AOPEP: variants seen among roughly 807,000 people sequenced by gnomAD.
AOPEP encodes the protein aminopeptidase O.
A neutral mutation model predicts 98.1 loss-of-function variants in AOPEP; 77 were observed. The ratio of observed to expected loss-of-function variants is 0.78; its 90% confidence interval spans 0.65 to 0.95. AOPEP has a LOEUF of 0.95. Among genes scored for constraint, AOPEP ranks in the 40% least tolerant of loss-of-function variants. The pLI is 0.00. For synonymous variants in AOPEP, 346 were observed against 365.3 expected (o/e 0.95, Z 0.60); for missense variants, 1,024 against 1,024.7 (o/e 1.00, Z 0.01).
chr9:94,819,902 C>T (rs1852624456), intron 5 of AOPEP, among the ~76,000 whole-genome samples: 1 of 149,264 alleles, frequency 6.7e-6, no homozygotes, highest in South Asian at 2.1e-4. Flanking sequence ...GCAAAAGGAC[C>T]AACCTTAAAA....
intron 5 of AOPEP, among the ~76,000 whole-genome samples, chr9:94,915,968 T>G (rs945681995): frequency 1.3e-5 from 2 of 152,334 alleles, no homozygotes; most frequent in Middle Eastern, 3.4e-3. Context: ...CTGTCCTTGC[T>G]GAGAATGGCT....
chr9:94,752,113 C>G (rs1835938945), intron 1 of AOPEP, among the ~76,000 whole-genome samples: 1 of 152,072 alleles, frequency 6.6e-6, no homozygotes, highest in Non-Finnish European at 1.5e-5. Context: ...GTCTTGAACT[C>G]CTGGGCTCAA....
chr9:94,999,174 T>C (rs1176059659), intron 11 of AOPEP, among the ~76,000 whole-genome samples: 1 of 151,944 alleles, frequency 6.6e-6, no homozygotes, highest in Non-Finnish European at 1.5e-5. Flanking sequence ...CCCAGAATAC[T>C]TTATTGAGTT....
intron 11 of AOPEP, among the ~76,000 whole-genome samples, chr9:94,991,707 A>G (rs10993443): frequency 0.067 from 10,133 of 152,270 alleles, 821 homozygotes; most frequent in African/African-American, 0.19. Flanking sequence ...GATGCAGGAT[A>G]TGGACCTCAC....
chr9:94,984,850 G>A (rs1564483554), intron 11 of AOPEP, among the ~76,000 whole-genome samples: 1 of 152,236 alleles, frequency 6.6e-6, no homozygotes, highest in Non-Finnish European at 1.5e-5. Context: ...CAAATGCGGG[G>A]TAAAGATAGA....
intron 5 of AOPEP, among the ~76,000 whole-genome samples, chr9:94,840,044 A>G (rs866555040): frequency 4.5e-4 from 68 of 152,250 alleles, no homozygotes; most frequent in African/African-American, 1.5e-3. Context: ...CTGGGATTAC[A>G]GGTGTGAGCC....
chr9:94,793,263 G>A (rs977685768), intron 4 of AOPEP, among the ~76,000 whole-genome samples: 2 of 152,034 alleles, frequency 1.3e-5, no homozygotes, highest in African/African-American at 2.4e-5. Context: ...CAGGAGAATG[G>A]CTTGAACCCG....
chr9:95,135,815 T>A, the AOPEP span, among the ~76,000 whole-genome samples: 3 of 152,200 alleles, frequency 2.0e-5, no homozygotes, highest in African/African-American at 7.2e-5. Flanking sequence ...GGAAAAGGCC[T>A]CGTGATGCCC....
chr9:94,772,501 G>A (rs1001702408), intron 2 of AOPEP, among the ~76,000 whole-genome samples: 5 of 152,128 alleles, frequency 3.3e-5, no homozygotes, highest in East Asian at 1.9e-4. Context: ...TCCCACAAGG[G>A]TTCTATTTGA....
rs62579008 is a variant in AOPEP, at chr9:94,846,130, A to G, written c.1364+45128A>G. On this transcript the variant is annotated intron_variant, in intron 5 of 16. Coordinates refer to ENST00000375315, the MANE Select transcript of AOPEP (RefSeq NM_001193329.3). The stretch of plus-strand genomic sequence containing the variant: ...AAAAAAATTTGAGTCTGAAATGGCT[A>G]GTGGAAATACAGCTGGAGTTCATGA... Among the ~76,000 whole-genome samples, 348 of 151,788 alleles carry G rather than the reference A, an allele frequency of 2.3e-3. 1 individual carries two copies. The highest frequency in any genetic ancestry group is 2.5e-3 in the Non-Finnish European group (172 of 67,918).
the AOPEP span, chr9:95,150,040 A>C: frequency 6.2e-7 from 1 of 1,614,190 alleles, no homozygotes; most frequent in Non-Finnish European, 8.5e-7. Flanking sequence ...CAGGGTAATA[A>C]GTGGGACACA....
At chr9:95,073,118 A>C (rs921697058) in intron 14 of AOPEP, among the ~76,000 whole-genome samples, 1 of 152,086 alleles carries the variant, frequency 6.6e-6, no homozygotes, top group Admixed American at 6.5e-5. Context: ...CCAGGCCCTT[A>C]CTACTCCTGG....
At chr9:94,786,574 G>A (rs1185701945) in intron 3 of AOPEP, among the ~76,000 whole-genome samples, 2 of 152,176 alleles carry the variant, frequency 1.3e-5, no homozygotes, top group Non-Finnish European at 2.9e-5. Flanking sequence ...GTTAGGTGTT[G>A]TTCCCTGTGG....
chr9:94,919,774 G>A (rs1057045673), intron 5 of AOPEP, among the ~76,000 whole-genome samples: 1 of 152,010 alleles, frequency 6.6e-6, no homozygotes, highest in African/African-American at 2.4e-5. Flanking sequence ...AGTCACACAA[G>A]CAGAAGCTGC....
intron 11 of AOPEP, among the ~76,000 whole-genome samples, chr9:94,988,927 T>TA (rs999812866): frequency 3.3e-5 from 5 of 151,308 alleles, no homozygotes; most frequent in African/African-American, 9.7e-5. Context: ...TTTTTTTTTT[T>TA]AGACAAAGTC....
intron 7 of AOPEP, among the ~76,000 whole-genome samples, chr9:94,933,883 G>A (rs958654886): frequency 6.6e-6 from 1 of 151,902 alleles, no homozygotes; most frequent in Admixed American, 6.6e-5. Context: ...AAGTAGCTGG[G>A]ACTACAGGTG....
intron 1 of AOPEP, among the ~76,000 whole-genome samples, chr9:94,741,374 G>A (rs1442504135): frequency 6.6e-6 from 1 of 151,860 alleles, no homozygotes; most frequent in Non-Finnish European, 1.5e-5. Context: ...CCAGGTTCAC[G>A]CCATTCTTCT....
intron 13 of AOPEP, among the ~76,000 whole-genome samples, chr9:95,029,357 T>A (rs1258274984): frequency 6.6e-6 from 1 of 152,242 alleles, no homozygotes; most frequent in Non-Finnish European, 1.5e-5. Context: ...TTTGTCCTTT[T>A]GTCTGCGTGT....
intron 13 of AOPEP, among the ~76,000 whole-genome samples, chr9:95,043,393 A>G (rs1039461164): frequency 2.9e-4 from 44 of 152,232 alleles, no homozygotes; most frequent in Admixed American, 5.9e-4. Flanking sequence ...TAACATGCCA[A>G]CTGCTGACAT....
Sources: allele counts gnomAD v4.1 joint callset (sites outside exome capture counted in the v4.1 genomes callset), GRCh38; gene constraint gnomAD v4.1.1; transcripts MANE v1.5; gene names NCBI Gene and HGNC (gene_info 2026-07-23, HGNC 2026-07-21).